The following TCF20 variants were observed in gnomAD, a reference collection of about 807,000 sequenced individuals.
The protein encoded by TCF20 is SPRE-binding protein.
Under a neutral mutation model 148.6 loss-of-function variants are expected in TCF20, and 3 were observed. The ratio of observed to expected loss-of-function variants is 0.02; its 90% CI spans 0.01 to 0.05. TCF20 has a LOEUF of 0.05. TCF20 is among the 10% of genes least tolerant of loss of function. TCF20 has a pLI of 1.00. For missense variants in TCF20, 2,350 were observed against 2,429.3 expected (o/e 0.97, Z 0.69); for synonymous variants, 1,049 against 909.5 (o/e 1.15, Z -2.76).
chr22:42,321,229 T>C (rs1014924549), intron 1 of TCF20, among the ~76,000 whole-genome samples: 3 of 152,172 alleles, frequency 2.0e-5, no homozygotes, highest in Non-Finnish European at 2.9e-5. Context: ...CTTCAGGGCA[T>C]GAGGGAACGC....
intron 1 of TCF20, among the ~76,000 whole-genome samples, chr22:42,341,952 A>C (rs1274603477): frequency 6.6e-6 from 1 of 152,128 alleles, no homozygotes; most frequent in Non-Finnish European, 1.5e-5. Flanking sequence ...GAGGATGAGC[A>C]GTTCAGGAGG....
chr22:42,238,884 G>A (rs983139404), intron 1 of TCF20, among the ~76,000 whole-genome samples: 8 of 152,028 alleles, frequency 5.3e-5, no homozygotes, highest in Non-Finnish European at 8.8e-5. Context: ...TTGGGAGGCC[G>A]AGGTGGGTGG....
chr22:42,214,669 G>C lies in TCF20; in HGVS notation c.637C>G (p.Arg213Gly). The change falls in exon 2 of 6, where the codon CGG becomes GGG. Residue 213 changes from arginine (R) to glycine (G), a missense_variant. This residue lies in a region of TCF20 where 1,641 missense variants were observed against 1,662.6 expected (regional missense o/e 0.99). Transcript: ENST00000677622. ...GCAGAGGATGGCAGAGTTGAGGGCC[G>C]CTGCATTGGCTGTAGATGGGATGAG... is the stretch of plus-strand genomic sequence containing the variant. ...SSSSHLQPMQ[R>G]PSTLPSSAAG... 1.2e-6 allele frequency: 2 copies of C among 1,614,156 alleles called. No homozygotes were observed. The highest frequency in any genetic ancestry group is 2.2e-5 in the South Asian group (2 of 91,080).
At chr22:42,222,928 A>C (rs142247819) in intron 1 of TCF20, among the ~76,000 whole-genome samples, 4 of 152,258 alleles carry the variant, frequency 2.6e-5, no homozygotes, top group Non-Finnish European at 5.9e-5. Context: ...CGAGGCAGGC[A>C]GACTGTTTGA....
chr22:42,225,917 GC>G (rs1314830030), intron 1 of TCF20, among the ~76,000 whole-genome samples: 2 of 152,208 alleles, frequency 1.3e-5, no homozygotes, highest in Non-Finnish European at 2.9e-5. Context: ...CCTAAAGTCA[GC>G]TGAATTCCAA....
At chr22:42,328,806 CG>C (rs1334790716) in intron 1 of TCF20, among the ~76,000 whole-genome samples, 2 of 152,262 alleles carry the variant, frequency 1.3e-5, no homozygotes, top group African/African-American at 4.8e-5. Context: ...TTGCCCCAGA[CG>C]GGGGGGAAAG....
At chr22:42,324,139 G>A (rs1927821026) in intron 1 of TCF20, among the ~76,000 whole-genome samples, 2 of 149,370 alleles carry the variant, frequency 1.3e-5, no homozygotes, top group Admixed American at 6.6e-5. Context: ...GGTGGTGGTG[G>A]TGGTGGTGAT....
chr22:42,326,839 G>A (rs997551971), intron 1 of TCF20, among the ~76,000 whole-genome samples: 2 of 152,240 alleles, frequency 1.3e-5, no homozygotes, highest in African/African-American at 4.8e-5. Flanking sequence ...ACACTTGCCC[G>A]ATGCCACACA....
intron 1 of TCF20, among the ~76,000 whole-genome samples, chr22:42,340,629 A>C (rs1481624638): frequency 1.3e-5 from 2 of 151,430 alleles, no homozygotes; most frequent in Non-Finnish European, 2.9e-5. Context: ...CACCTGGCCC[A>C]CCCCACTCCA....
chr22:42,222,671 T>C (rs973911426), intron 1 of TCF20, among the ~76,000 whole-genome samples: 1 of 152,192 alleles, frequency 6.6e-6, no homozygotes, highest in African/African-American at 2.4e-5. Flanking sequence ...TGAGATCATA[T>C]GGTTCTTAAG....
intron 2 of TCF20, 30 bp downstream of exon 2, chr22:42,209,621 C>T (rs943485623): frequency 5.8e-6 from 9 of 1,549,532 alleles, no homozygotes; most frequent in African/African-American, 1.4e-5. Flanking sequence ...AATAAAAATC[C>T]CAAGCTGGTA....
chr22:42,270,466 C>T lies in TCF20; in HGVS notation c.-164G>A, dbSNP rs1437936150. 6.9e-6 allele frequency among the ~76,000 whole-genome samples: 1 copy of T among 144,128 alleles called. No individual in the cohort carries two copies. Among genetic ancestry groups the T allele is most frequent in the Admixed American group, 6.8e-5 (1 of 14,640 alleles). The allele number at this position is 144,128 out of a possible 152,430, so 94.6% of individuals were successfully genotyped here. On this transcript the variant is annotated 5_prime_UTR_variant, in exon 1 of 6. Coordinates refer to ENST00000677622, the MANE Select transcript of TCF20 (RefSeq NM_001378418.1). ...GCTCCGCCGCCTCCAGCTCGGGCGCCCGGGCCGGCGGCGGGGCGGGCCGGG... is the reference window on the plus strand; with the variant it reads ...GCTCCGCCGCCTCCAGCTCGGGCGCTCGGGCCGGCGGCGGGGCGGGCCGGG...
chr22:42,217,064 T>G (rs1185890311), intron 1 of TCF20, among the ~76,000 whole-genome samples: 1 of 152,050 alleles, frequency 6.6e-6, no homozygotes, highest in Non-Finnish European at 1.5e-5. Flanking sequence ...GAAAATGGAG[T>G]TGCCTGCAGG....
At chr22:42,173,996 C>CATTT (rs1451571431) in intron 3 of TCF20, among the ~76,000 whole-genome samples, 1 of 152,134 alleles carries the variant, frequency 6.6e-6, no homozygotes, top group Non-Finnish European at 1.5e-5. Flanking sequence ...TGACAGACAC[C>CATTT]ATTTACTCAC....
chr22:42,337,384 G>A (rs1285155568), intron 1 of TCF20, among the ~76,000 whole-genome samples: 1 of 151,864 alleles, frequency 6.6e-6, no homozygotes, highest in African/African-American at 2.4e-5. Context: ...TCACAGCCTG[G>A]CATCAGCTTC....
At chr22:42,224,116 T>C (rs1248170419) in intron 1 of TCF20, among the ~76,000 whole-genome samples, 5 of 152,102 alleles carry the variant, frequency 3.3e-5, no homozygotes, top group Non-Finnish European at 7.4e-5. Flanking sequence ...CCATAAAAAA[T>C]ATCCACCTTG....
intron 1 of TCF20, among the ~76,000 whole-genome samples, chr22:42,283,507 C>T (rs984391779): frequency 6.6e-6 from 1 of 152,300 alleles, no homozygotes; most frequent in South Asian, 2.1e-4. Flanking sequence ...CCCGAGCAGC[C>T]CCCTCGGGCC....
At chr22:42,193,433 G>A (rs905242900) in intron 2 of TCF20, among the ~76,000 whole-genome samples, 5 of 151,660 alleles carry the variant, frequency 3.3e-5, no homozygotes, top group African/African-American at 9.7e-5. Context: ...CTGGGCTAGA[G>A]GAATCCTCTT....
At chr22:42,251,997 AGTTT>A (rs1239677685) in intron 1 of TCF20, among the ~76,000 whole-genome samples, 1 of 150,902 alleles carries the variant, frequency 6.6e-6, no homozygotes, top group East Asian at 2.0e-4. Flanking sequence ...TGAGGTCGGG[AGTTT>A]GAGACCAGCC....
Sources: allele counts gnomAD v4.1 joint callset (sites outside exome capture counted in the v4.1 genomes callset), GRCh38; gene constraint gnomAD v4.1.1; regional missense constraint gnomAD v4.1.1; transcripts MANE v1.5; gene names NCBI Gene and HGNC (gene_info 2026-07-23, HGNC 2026-07-21).